TRDN: variants seen among roughly 807,000 people sequenced by gnomAD.
TRDN encodes triadin.
A neutral mutation model predicts 149.7 loss-of-function variants in TRDN; 161 were observed. The observed-to-expected ratio is 1.08, with a 90% confidence interval of 0.95 to 1.23. The LOEUF (loss-of-function observed/expected upper bound fraction) is 1.23, where lower values mean the gene tolerates loss of function less well. Among genes scored for constraint, TRDN ranks in the 50% most tolerant of loss-of-function variants. The pLI, the probability that TRDN is intolerant of heterozygous loss-of-function variation, is 0.00. For synonymous variants in TRDN, 294 were observed against 250.5 expected, an observed-to-expected ratio of 1.17 and a Z score of -1.64; for missense variants, 896 against 823.5, an observed-to-expected ratio of 1.09 and a Z score of -1.08.
At chr6:123,626,894 GT>G (rs1053933928) in intron 1 of TRDN, among the ~76,000 whole-genome samples, 8 of 146,092 alleles carry the variant, frequency 5.5e-5, no homozygotes, top group East Asian at 1.9e-4. Context: ...CTTATAAAAT[GT>G]TTTTTTTAAT....
chr6:123,403,398 A>G (rs201362100), intron 12 of TRDN, among the ~76,000 whole-genome samples: 10 of 152,276 alleles, frequency 6.6e-5, no homozygotes, highest in African/African-American at 2.4e-4. Flanking sequence ...AATGTGGCAG[A>G]GGCCATAGGA....
At chr6:123,461,240 A>T (rs1776431636) in intron 10 of TRDN, among the ~76,000 whole-genome samples, 1 of 152,202 alleles carries the variant, frequency 6.6e-6, no homozygotes, top group Non-Finnish European at 1.5e-5. Flanking sequence ...ACTCATTAGT[A>T]TCAAAGCTGA....
In TRDN at chr6:123,597,522, G is replaced by A. The variant is rs184035225; in HGVS notation, c.23-26390C>T. Among the ~76,000 whole-genome samples, 410 of 152,188 alleles carry A rather than the reference G, an allele frequency of 2.7e-3. 1 individual carries two copies. The highest frequency in any genetic ancestry group is 9.1e-3 in the African/African-American group (380 of 41,542). On this transcript the variant is annotated intron_variant, in intron 1 of 40. Transcript: ENST00000334268. ...AAAGAAGTTCTCCTGTGAGTAAAAT[G>A]CTATCAAACAATGTTGCAGGCTATT...
intron 9 of TRDN, chr6:123,488,683 C>T (rs1381272290): frequency 6.8e-6 from 1 of 147,734 alleles, no homozygotes; most frequent in Non-Finnish European, 1.5e-5. Flanking sequence ...TCTCTCCAAA[C>T]GATCTTGTAC....
intron 13 of TRDN, among the ~76,000 whole-genome samples, chr6:123,391,878 C>G (rs545752325): frequency 6.6e-6 from 1 of 151,932 alleles, no homozygotes; most frequent in Non-Finnish European, 1.5e-5. Flanking sequence ...TTTGTCTCCA[C>G]GTGAAGTACT....
intron 38 of TRDN, among the ~76,000 whole-genome samples, chr6:123,245,367 C>T (rs1776134048): frequency 6.6e-6 from 1 of 151,718 alleles, no homozygotes; most frequent in African/African-American, 2.4e-5. Context: ...TGCAAATACA[C>T]ACATAGGCTC....
intron 7 of TRDN, among the ~76,000 whole-genome samples, chr6:123,506,287 A>T (rs1208764342): frequency 6.6e-6 from 1 of 152,182 alleles, no homozygotes; most frequent in Non-Finnish European, 1.5e-5. Context: ...CAGCAAAATT[A>T]AAACCGTGCA....
chr6:123,438,200 G>A (rs1298141851), intron 11 of TRDN, 78 bp from the exon 12 acceptor site: 1 of 991,248 alleles, frequency 1.0e-6, no homozygotes, highest in Non-Finnish European at 1.5e-6. Flanking sequence ...GACTACCAGT[G>A]AGGCATCTAA....
At chr6:123,232,737 T>C (rs1582751670) in intron 38 of TRDN, among the ~76,000 whole-genome samples, 1 of 151,974 alleles carries the variant, frequency 6.6e-6, no homozygotes, top group East Asian at 1.9e-4. Context: ...TAAAAAGAGA[T>C]TGTAATTTGG....
rs139339217 is a variant in TRDN at position 123,564,981 on chromosome 6, T to G, written c.232+5942A>C. ...GAAGGAAAAGAGTTACCACATTCTA[T>G]TGCTGTACATTCTGACCTAGAAGAA... On this transcript the variant is annotated intron_variant, in intron 2 of 40. Coordinates refer to ENST00000334268, the MANE Select transcript of TRDN (RefSeq NM_006073.4). Among the ~76,000 whole-genome samples the G allele has an allele frequency of 5.2e-4, 79 of 152,316 alleles. 1 individual carries two copies. The highest frequency in any genetic ancestry group is 1.9e-3 in the African/African-American group (77 of 41,570).
At chr6:123,513,439 T>A (rs942633589) in intron 6 of TRDN, among the ~76,000 whole-genome samples, 1 of 150,388 alleles carries the variant, frequency 6.6e-6, no homozygotes. Context: ...AATTCCTAAC[T>A]TTTTTTTTAA....
intron 14 of TRDN, among the ~76,000 whole-genome samples, chr6:123,386,643 A>G (rs1032006816): frequency 2.6e-5 from 4 of 152,194 alleles, no homozygotes; most frequent in African/African-American, 9.6e-5. Flanking sequence ...TCCCAGGAGG[A>G]TGTCAAGAGG....
intron 10 of TRDN, among the ~76,000 whole-genome samples, chr6:123,456,069 T>C (rs1434001682): frequency 1.3e-5 from 2 of 152,210 alleles, no homozygotes; most frequent in East Asian, 1.9e-4. Context: ...GCTATTTTTA[T>C]AACAGTTTTG....
At chr6:123,234,115 C>G (rs975173958) in intron 38 of TRDN, among the ~76,000 whole-genome samples, 1 of 151,946 alleles carries the variant, frequency 6.6e-6, no homozygotes, top group African/African-American at 2.4e-5. Flanking sequence ...TGATGGGAAC[C>G]AGTACTTCTG....
chr6:123,584,030 A>G (rs546751617), intron 1 of TRDN: 200 of 157,888 alleles, frequency 1.3e-3, no homozygotes, highest in African/African-American at 3.8e-3. Flanking sequence ...GATTAGGCCT[A>G]GTGGAACTGC....
intron 38 of TRDN, among the ~76,000 whole-genome samples, chr6:123,232,996 GA>G (rs1017374768): frequency 7.2e-5 from 11 of 151,984 alleles, no homozygotes; most frequent in African/African-American, 2.7e-4. Flanking sequence ...TAAACATGTG[GA>G]ATCCTTAGTC....
At chr6:123,341,956 C>A (rs1471707454) in intron 21 of TRDN, among the ~76,000 whole-genome samples, 2 of 151,906 alleles carry the variant, frequency 1.3e-5, no homozygotes, top group African/African-American at 4.8e-5. Context: ...TATAGTTCTT[C>A]AAATTACCTT....
Position 123,475,785 on chromosome 6 carries a change from T to C in TRDN, c.854-10802A>G, listed in dbSNP as rs1489700205. Reference sequence around the variant, plus strand: ...AAATCAATAAATGTAATCCAGCATATAAACAGAGCCAAAGACAAAAACCAC... The same window carrying C: ...AAATCAATAAATGTAATCCAGCATACAAACAGAGCCAAAGACAAAAACCAC... On this transcript the variant is annotated intron_variant, in intron 9 of 40. Transcript: ENST00000334268. Among the ~76,000 whole-genome samples the C allele has an allele frequency of 8.7e-5, 13 of 150,030 alleles. No homozygotes were observed. In the South Asian group the frequency reaches 2.6e-3, roughly 30 times the overall value.
At chr6:123,309,804 G>A (rs2114686396) in intron 24 of TRDN, among the ~76,000 whole-genome samples, 1 of 151,820 alleles carries the variant, frequency 6.6e-6, no homozygotes, top group Non-Finnish European at 1.5e-5. Context: ...AATATATGTA[G>A]GTACTAGTCT....
Sources: gnomAD v4.1 joint callset for allele counts (sites outside exome capture counted in the v4.1 genomes callset) on GRCh38, gnomAD v4.1.1 for gene constraint, MANE v1.5 for transcripts, NCBI Gene and HGNC (gene_info 2026-07-23, HGNC 2026-07-21) for gene names.